PDE11A: variants seen among roughly 807,000 people sequenced by gnomAD.
PDE11A encodes the protein dual 3',5'-cyclic-AMP and -GMP phosphodiesterase 11A.
In PDE11A, 100 loss-of-function variants were observed where a neutral mutation model predicts 100.5. The observed-to-expected ratio is 1.00, with a 90% CI of 0.85 to 1.18. PDE11A has a LOEUF of 1.18. PDE11A is among the 50% of genes most tolerant of loss of function. PDE11A has a pLI of 0.00. For synonymous variants in PDE11A, 381 were observed against 420.8 expected (o/e 0.91, Z 1.16); for missense variants, 1,141 against 1,152.6 (o/e 0.99, Z 0.15).
intron 5 of PDE11A, among the ~76,000 whole-genome samples, chr2:177,874,409 G>T (rs1241458412): frequency 6.6e-6 from 1 of 152,098 alleles, no homozygotes; most frequent in African/African-American, 2.4e-5. Context: ...TCATCATACT[G>T]CCCTGAGTGC....
Position 177,955,063 on chromosome 2 carries a change from G to C in PDE11A, c.1072-49876C>G, listed in dbSNP as rs534222951. On this transcript the variant is annotated intron_variant, in intron 2 of 19. Coordinates refer to ENST00000286063, the MANE Select transcript of PDE11A (RefSeq NM_016953.4). Reference sequence around the variant, plus strand: ...TAGAAAGCTGCTTCCAAAAATTCCTGGTCTCTGTGATCAATTCTCTAGTCA... The same window carrying C: ...TAGAAAGCTGCTTCCAAAAATTCCTCGTCTCTGTGATCAATTCTCTAGTCA... Among the ~76,000 whole-genome samples the C allele has an allele frequency of 3.3e-5, 5 of 152,122 alleles. No individual in the cohort carries two copies. In the South Asian group the frequency reaches 1.0e-3, roughly 32 times the overall value.
intron 2 of PDE11A, among the ~76,000 whole-genome samples, chr2:177,947,357 G>T (rs188698371): frequency 0.058 from 8,644 of 150,040 alleles, 273 homozygotes; most frequent in South Asian, 0.081. Flanking sequence ...TTGAGAAATC[G>T]GATGGTTGCC....
intron 1 of PDE11A, among the ~76,000 whole-genome samples, chr2:178,058,669 G>A (rs948717948): frequency 2.9e-4 from 44 of 152,040 alleles, no homozygotes; most frequent in Non-Finnish European, 1.3e-4. Context: ...TTTTTATTGA[G>A]TATCTACCTA....
chr2:177,888,744 A>C (rs2084480830), intron 4 of PDE11A: 1 of 667,726 alleles, frequency 1.5e-6, no homozygotes, highest in Non-Finnish European at 1.9e-6. Flanking sequence ...TTCCACAGAC[A>C]AACATCAGGC....
At chr2:177,953,537 A>G (rs142442121) in intron 2 of PDE11A, among the ~76,000 whole-genome samples, 1 of 152,222 alleles carries the variant, frequency 6.6e-6, no homozygotes, top group Non-Finnish European at 1.5e-5. Flanking sequence ...CTGAGAAAGC[A>G]TTATGACTAA....
chr2:177,905,573 G>T (rs748697277), intron 2 of PDE11A, among the ~76,000 whole-genome samples: 5 of 152,158 alleles, frequency 3.3e-5, no homozygotes, highest in African/African-American at 4.8e-5. Flanking sequence ...CACATTTGGA[G>T]GTAGGCAGGA....
chr2:177,907,313 C>T (rs148406968), intron 2 of PDE11A, among the ~76,000 whole-genome samples: 4 of 152,142 alleles, frequency 2.6e-5, no homozygotes, highest in Non-Finnish European at 1.5e-5. Flanking sequence ...TAATGCAAAA[C>T]ATCATTAAGC....
intron 5 of PDE11A, among the ~76,000 whole-genome samples, chr2:177,871,525 AATTATTATTATTATTATT>A (rs142275376): frequency 5.6e-4 from 77 of 138,266 alleles, no homozygotes; most frequent in Middle Eastern, 7.5e-3. Context: ...GTCAGTAGTA[AATTATTATTATTATTATT>A]ATTATTATTA....
chr2:177,980,855 A>G (rs1009606147), intron 2 of PDE11A, among the ~76,000 whole-genome samples: 2 of 148,482 alleles, frequency 1.3e-5, no homozygotes, highest in African/African-American at 4.9e-5. Flanking sequence ...GCCCTTGAAC[A>G]TGAAAGGTGG....
At chr2:178,082,022 A>G (rs1443517968) in intron 2 of PDE11A, among the ~76,000 whole-genome samples, 4 of 152,258 alleles carry the variant, frequency 2.6e-5, no homozygotes, top group Middle Eastern at 3.4e-3. Flanking sequence ...ATTGTGGGGG[A>G]CTTCAGGCAC....
At chr2:178,081,805 T>C (rs968752152) in intron 2 of PDE11A, among the ~76,000 whole-genome samples, 1 of 152,280 alleles carries the variant, frequency 6.6e-6, no homozygotes, top group African/African-American at 2.4e-5. Context: ...TTTTAAAAAT[T>C]ATTAAAAGTT....
rs187376570 is a variant in PDE11A, at chr2:177,962,446, T to C, written c.1071+51856A>G. ...TATATAATGAATTTATATAGTATAC[T>C]ATCATGGATATAAAATATATTATAA... On this transcript the variant is annotated intron_variant, in intron 2 of 19. Transcript: ENST00000286063. 9.0e-3 allele frequency among the ~76,000 whole-genome samples: 1,372 copies of C among 152,190 alleles called. 9 individuals are homozygous for C. The highest frequency in any genetic ancestry group is 0.024 in the Middle Eastern group (7 of 294).
At chr2:178,040,981 C>T (rs1469996662) in intron 1 of PDE11A, among the ~76,000 whole-genome samples, 2 of 151,954 alleles carry the variant, frequency 1.3e-5, no homozygotes, top group Non-Finnish European at 2.9e-5. Flanking sequence ...ACTCTGTTGC[C>T]CATGCTAGAG....
chr2:177,968,115 G>C (rs2085721734), intron 2 of PDE11A, among the ~76,000 whole-genome samples: 1 of 152,066 alleles, frequency 6.6e-6, no homozygotes, highest in African/African-American at 2.4e-5. Context: ...ATCAGACGAG[G>C]TGCTAATTCT....
intron 15 of PDE11A, among the ~76,000 whole-genome samples, chr2:177,685,304 A>C (rs2080927390): frequency 6.6e-6 from 1 of 152,176 alleles, no homozygotes; most frequent in Non-Finnish European, 1.5e-5. Context: ...AACAACACAA[A>C]ATCTATTCAG....
chr2:177,865,340 A>G (rs958616858), intron 5 of PDE11A, among the ~76,000 whole-genome samples: 18 of 152,200 alleles, frequency 1.2e-4, no homozygotes, highest in African/African-American at 4.3e-4. Context: ...TAAAATGGCT[A>G]TAACTAAAAG....
intron 9 of PDE11A, among the ~76,000 whole-genome samples, chr2:177,783,223 A>G (rs1574136840): frequency 1.3e-5 from 2 of 152,184 alleles, no homozygotes; most frequent in East Asian, 3.8e-4. Flanking sequence ...CATAATCTGT[A>G]CAATATCAAG....
At chr2:177,810,904 A>G (rs1235013313) in intron 9 of PDE11A, among the ~76,000 whole-genome samples, 1 of 152,064 alleles carries the variant, frequency 6.6e-6, no homozygotes, top group African/African-American at 2.4e-5. Flanking sequence ...GGCTTTGGGG[A>G]GGTAGAATAA....
chr2:178,003,473 T>G (rs1303009461), intron 2 of PDE11A, among the ~76,000 whole-genome samples: 1 of 152,098 alleles, frequency 6.6e-6, no homozygotes, highest in African/African-American at 2.4e-5. Context: ...ATTATATGGC[T>G]CTATTTATAT....
Sources: gnomAD v4.1 joint callset for allele counts (sites outside exome capture counted in the v4.1 genomes callset) on GRCh38, gnomAD v4.1.1 for gene constraint, MANE v1.5 for transcripts, NCBI Gene and HGNC (gene_info 2026-07-23, HGNC 2026-07-21) for gene names.